The following SAMMSON variants were observed in gnomAD, a reference collection of about 807,000 sequenced individuals.
SAMMSON encodes long intergenic non-protein coding RNA 1212.
intron 4 of SAMMSON, among the ~76,000 whole-genome samples, chr3:70,187,501 G>C (rs1001985509): frequency 2.2e-5 from 3 of 138,738 alleles, no homozygotes; most frequent in Admixed American, 1.6e-4. Flanking sequence ...GCAGTGGCGC[G>C]ATCTCGACTC....
intron 4 of SAMMSON, among the ~76,000 whole-genome samples, chr3:70,208,247 G>A (rs1441167471): frequency 1.3e-5 from 2 of 152,008 alleles, no homozygotes; most frequent in African/African-American, 4.8e-5. Flanking sequence ...CATTGTTAAC[G>A]CAATGCCTGG....
intron 3 of SAMMSON, among the ~76,000 whole-genome samples, chr3:70,019,845 A>C (rs1313134925): frequency 6.6e-6 from 1 of 152,154 alleles, no homozygotes; most frequent in Non-Finnish European, 1.5e-5. Context: ...GGGCCTGAGA[A>C]GTCTTGCAGT....
chr3:70,109,151 C>G (rs972515872), intron 4 of SAMMSON, among the ~76,000 whole-genome samples: 1 of 152,070 alleles, frequency 6.6e-6, no homozygotes, highest in African/African-American at 2.4e-5. Flanking sequence ...TTCTATCAAC[C>G]AGAGATTTAT....
intron 4 of SAMMSON, among the ~76,000 whole-genome samples, chr3:70,237,637 G>A (rs1701622959): frequency 6.6e-6 from 1 of 152,132 alleles, no homozygotes; most frequent in Non-Finnish European, 1.5e-5. Context: ...AGTAAACTTG[G>A]AATCCATGTA....
In SAMMSON at chr3:70,060,950, G is replaced by A. The variant is rs540834902; in HGVS notation, n.418-10526G>A. ...AGAAAAGATGAGAGGAAGAGGGAGT[G>A]AGTGGGAGTGGAAAATTATCTGGAT... On this transcript the variant is annotated intron_variant and non_coding_transcript_variant, in intron 3 of 9. Coordinates refer to ENST00000642114, the Ensembl canonical transcript of SAMMSON. Among the ~76,000 whole-genome samples, 9 of 152,194 alleles carry A rather than the reference G, an allele frequency of 5.9e-5. No individual in the cohort carries two copies. In the South Asian group the frequency reaches 1.7e-3, roughly 28 times the overall value.
intron 4 of SAMMSON, among the ~76,000 whole-genome samples, chr3:70,163,880 T>G (rs1163025726): frequency 2.6e-5 from 4 of 152,040 alleles, no homozygotes; most frequent in Admixed American, 2.6e-4. Context: ...TAGGTTTACT[T>G]GTGAATGGAT....
At chr3:70,056,587 G>T (rs1406623516) in intron 3 of SAMMSON, among the ~76,000 whole-genome samples, 1 of 150,666 alleles carries the variant, frequency 6.6e-6, no homozygotes, top group Non-Finnish European at 1.5e-5. Context: ...CTTCACTAAA[G>T]CTTTTCTTGG....
At chr3:70,148,840 G>T (rs1421540750) in intron 4 of SAMMSON, among the ~76,000 whole-genome samples, 1 of 152,048 alleles carries the variant, frequency 6.6e-6, no homozygotes, top group African/African-American at 2.4e-5. Flanking sequence ...TTGAGGATTG[G>T]GGGAACAAAT....
At chr3:70,387,904 G>T (rs1169089802) in intron 9 of SAMMSON, among the ~76,000 whole-genome samples, 1 of 152,006 alleles carries the variant, frequency 6.6e-6, no homozygotes, top group Non-Finnish European at 1.5e-5. Flanking sequence ...GATTGAAATG[G>T]ATTATAAAAT....
At chr3:70,290,731 C>G (rs1444885933) in intron 6 of SAMMSON, among the ~76,000 whole-genome samples, 1 of 152,166 alleles carries the variant, frequency 6.6e-6, no homozygotes, top group East Asian at 1.9e-4. Context: ...GCGTAGGACC[C>G]TCCGAGCCAG....
At chr3:70,176,688 C>T (rs1471815008) in intron 4 of SAMMSON, among the ~76,000 whole-genome samples, 1 of 152,060 alleles carries the variant, frequency 6.6e-6, no homozygotes, top group Non-Finnish European at 1.5e-5. Context: ...CTCTAATACA[C>T]CTATCATTTA....
intron 4 of SAMMSON, among the ~76,000 whole-genome samples, chr3:70,235,573 G>A (rs867200210): frequency 1.3e-5 from 2 of 152,158 alleles, no homozygotes; most frequent in Middle Eastern, 6.8e-3. Context: ...GGTCAGTCAG[G>A]CTCACGGCTC....
chr3:70,149,306 C>A lies in SAMMSON; in HGVS notation n.507+77741C>A, dbSNP rs2067562055. On this transcript the variant is annotated intron_variant and non_coding_transcript_variant, in intron 4 of 9. Transcript: ENST00000642114. The stretch of plus-strand genomic sequence containing the variant: ...TGGTCTGTTAGGGGACAAAGCAGAG[C>A]TAGTAACCCTGAAGCCCTTTTCTAG... Among the ~76,000 whole-genome samples the A allele has an allele frequency of 2.0e-5, 3 of 152,162 alleles. 1 individual carries two copies. In the South Asian group the frequency reaches 6.2e-4, roughly 32 times the overall value.
chr3:70,028,110 T>TTCCTTCCTTCCTTCCTTCCTTCCC (rs1474380015), intron 3 of SAMMSON, among the ~76,000 whole-genome samples: 57 of 145,480 alleles, frequency 3.9e-4, no homozygotes, highest in African/African-American at 1.4e-3. Flanking sequence ...CCTTCCTTCC[T>TTCCTTCCTTCCTTCCTTCCTTCCC]TCCCTTCCTT....
chr3:70,303,336 G>A (rs1702367723), intron 7 of SAMMSON, among the ~76,000 whole-genome samples: 1 of 152,116 alleles, frequency 6.6e-6, no homozygotes, highest in South Asian at 2.1e-4. Flanking sequence ...TAACCCAGGA[G>A]TCAGACTCAT....
At chr3:70,380,539 C>CT (rs529141598) in intron 9 of SAMMSON, among the ~76,000 whole-genome samples, 120 of 151,796 alleles carry the variant, frequency 7.9e-4, no homozygotes, top group African/African-American at 2.8e-3. Context: ...TCTTTTTTTT[C>CT]TTTTTTTATT....
intron 6 of SAMMSON, among the ~76,000 whole-genome samples, chr3:70,275,545 A>G (rs1702016390): frequency 6.6e-6 from 1 of 152,026 alleles, no homozygotes; most frequent in Non-Finnish European, 1.5e-5. Flanking sequence ...AATCAAATCA[A>G]AAAAACAAAG....
intron 4 of SAMMSON, among the ~76,000 whole-genome samples, chr3:70,185,730 C>T (rs992273193): frequency 6.7e-6 from 1 of 148,264 alleles, no homozygotes; most frequent in East Asian, 2.0e-4. Context: ...GGTGTAGTGG[C>T]ACATGCCTGT....
intron 4 of SAMMSON, among the ~76,000 whole-genome samples, chr3:70,105,660 A>G (rs2067364350): frequency 6.6e-6 from 1 of 152,202 alleles, no homozygotes; most frequent in Non-Finnish European, 1.5e-5. Context: ...ACTTGATGAC[A>G]TTTCCAACTT....
Sources: gnomAD v4.1 joint callset for allele counts (sites outside exome capture counted in the v4.1 genomes callset) on GRCh38, gnomAD v4.1.1 for gene constraint, MANE v1.5 for transcripts, NCBI Gene and HGNC (gene_info 2026-07-23, HGNC 2026-07-21) for gene names.